IQGAP2: variants seen among roughly 807,000 people sequenced by gnomAD.
IQGAP2 encodes IQ motif containing GTPase activating protein 2, also known as ras GTPase-activating-like protein IQGAP2.
IQGAP2 carries 173 observed loss-of-function variants against 201.3 expected under a neutral mutation model. The ratio of observed to expected loss-of-function variants is 0.86; its 90% CI spans 0.76 to 0.98. IQGAP2 has a LOEUF of 0.98. Ranked by LOEUF, IQGAP2 falls within the 50% of genes least tolerant of loss-of-function variation. The pLI is 0.00. For missense variants in IQGAP2, 1,687 were observed against 1,864.8 expected (o/e 0.90, Z 1.76); for synonymous variants, 675 against 673.9 (o/e 1.00, Z -0.03).
chr5:76,447,028 A>G (rs531800039), intron 1 of IQGAP2, among the ~76,000 whole-genome samples: 1 of 152,330 alleles, frequency 6.6e-6, no homozygotes, highest in South Asian at 2.1e-4. Flanking sequence ...AGTTTCCAGA[A>G]GGCTCTGCGG....
intron 13 of IQGAP2, chr5:76,617,500 GA>G: frequency 9.9e-7 from 1 of 1,014,488 alleles, no homozygotes; most frequent in South Asian, 1.6e-5. Context: ...CTCGGAAATG[GA>G]GCTCCTTGCA....
intron 30 of IQGAP2, among the ~76,000 whole-genome samples, chr5:76,691,993 G>T (rs574555630): frequency 6.6e-6 from 1 of 152,156 alleles, no homozygotes; most frequent in South Asian, 2.1e-4. Context: ...GTCATTCAGT[G>T]ATATCATGTA....
chr5:76,550,626 T>C (rs1200382472), intron 2 of IQGAP2, among the ~76,000 whole-genome samples: 3 of 152,166 alleles, frequency 2.0e-5, no homozygotes, highest in South Asian at 2.1e-4. Flanking sequence ...TCCGTTTAAC[T>C]CTGAGTGGAC....
At chr5:76,424,780 T>C (rs1751907193) in intron 1 of IQGAP2, among the ~76,000 whole-genome samples, 1 of 152,230 alleles carries the variant, frequency 6.6e-6, no homozygotes, top group South Asian at 2.1e-4. Context: ...TGCTAATGCT[T>C]AGCTCTGGTT....
intron 35 of IQGAP2, among the ~76,000 whole-genome samples, chr5:76,705,384 CA>C (rs1205421799): frequency 5.3e-5 from 8 of 152,308 alleles, no homozygotes; most frequent in African/African-American, 1.9e-4. Context: ...GAAGTTATGT[CA>C]TGTTGCAAGG....
chr5:76,673,387 T>A lies in IQGAP2; in HGVS notation c.3069-62T>A, dbSNP rs553592319. The A allele has an allele frequency of 5.5e-4, 855 of 1,561,932 alleles. 2 individuals carry two copies. Among genetic ancestry groups the A allele is most frequent in the Admixed American group, 6.9e-4 (36 of 51,950 alleles). ...ACAAAGCTTGACTATAGAACCAACT[T>A]GGCAGCAAAATTAATGCTTGTACCT... is the stretch of plus-strand genomic sequence containing the variant. On this transcript the variant is annotated intron_variant, in intron 24 of 35. Coordinates refer to ENST00000274364, the MANE Select transcript of IQGAP2 (RefSeq NM_006633.5).
intron 1 of IQGAP2, among the ~76,000 whole-genome samples, chr5:76,415,610 C>A (rs1394868205): frequency 6.6e-6 from 1 of 152,126 alleles, no homozygotes; most frequent in African/African-American, 2.4e-5. Flanking sequence ...TGTTAAGAGG[C>A]CCAGGACTCT....
intron 35 of IQGAP2, among the ~76,000 whole-genome samples, chr5:76,706,416 C>T (rs1012921908): frequency 2.6e-5 from 4 of 152,098 alleles, no homozygotes; most frequent in Admixed American, 6.5e-5. Flanking sequence ...AGTGCAATCT[C>T]GGCTCGCTGC....
intron 1 of IQGAP2, among the ~76,000 whole-genome samples, chr5:76,442,055 G>A (rs951980183): frequency 6.6e-6 from 1 of 152,192 alleles, no homozygotes; most frequent in African/African-American, 2.4e-5. Context: ...CCCAAAGCCT[G>A]AATCACTCAT....
At chr5:76,469,644 T>G (rs1253636316) in intron 2 of IQGAP2, among the ~76,000 whole-genome samples, 4 of 152,144 alleles carry the variant, frequency 2.6e-5, no homozygotes, top group African/African-American at 9.7e-5. Context: ...CCTCAAGTGA[T>G]CCGCCTGCAT....
chr5:76,620,003 A>C (rs1749479660), intron 13 of IQGAP2, among the ~76,000 whole-genome samples: 1 of 152,144 alleles, frequency 6.6e-6, no homozygotes, highest in Non-Finnish European at 1.5e-5. Flanking sequence ...CTAGAAGCTG[A>C]AAAAAGCAAG....
intron 2 of IQGAP2, among the ~76,000 whole-genome samples, chr5:76,531,040 A>G (rs1379884809): frequency 6.6e-6 from 1 of 152,222 alleles, no homozygotes; most frequent in Non-Finnish European, 1.5e-5. Flanking sequence ...TGCTGCTATA[A>G]CAAAACACCC....
intron 23 of IQGAP2, among the ~76,000 whole-genome samples, chr5:76,670,953 T>C (rs1744253678): frequency 6.6e-6 from 1 of 152,192 alleles, no homozygotes; most frequent in African/African-American, 2.4e-5. Context: ...ATCCTCAAAT[T>C]GCTCATCTAA....
intron 1 of IQGAP2, among the ~76,000 whole-genome samples, chr5:76,422,282 T>C (rs1212097704): frequency 6.6e-6 from 1 of 152,150 alleles, no homozygotes. Flanking sequence ...AGGGTGAGTG[T>C]TGATAATTTT....
intron 1 of IQGAP2, among the ~76,000 whole-genome samples, chr5:76,422,503 A>C (rs527713127): frequency 6.6e-6 from 1 of 152,354 alleles, no homozygotes; most frequent in Middle Eastern, 3.4e-3. Context: ...CATAATGATT[A>C]GTTTGGAGCT....
At chr5:76,512,469 A>G (rs1561428979) in intron 2 of IQGAP2, among the ~76,000 whole-genome samples, 1 of 152,162 alleles carries the variant, frequency 6.6e-6, no homozygotes, top group South Asian at 2.1e-4. Flanking sequence ...AAACCTTTTA[A>G]TTGCTTTCTC....
chr5:76,439,554 T>A (rs1418808374), intron 1 of IQGAP2, among the ~76,000 whole-genome samples: 1 of 152,218 alleles, frequency 6.6e-6, no homozygotes, highest in African/African-American at 2.4e-5. Flanking sequence ...TAGGTGGTAA[T>A]ATCTTCTTGT....
At chr5:76,438,035 G>GTTTTTT (rs71604291) in intron 1 of IQGAP2, among the ~76,000 whole-genome samples, 14 of 68,570 alleles carry the variant, frequency 2.0e-4, no homozygotes, top group South Asian at 3.8e-4. Context: ...TTTTTTGTTT[G>GTTTTTT]TTTTTTTTTT....
At chr5:76,418,679 G>C (rs756023327) in intron 1 of IQGAP2, among the ~76,000 whole-genome samples, 1 of 152,090 alleles carries the variant, frequency 6.6e-6, no homozygotes, top group Non-Finnish European at 1.5e-5. Context: ...ATTTCATCAA[G>C]GGAAACTACT....
Sources: allele counts gnomAD v4.1 joint callset (sites outside exome capture counted in the v4.1 genomes callset), GRCh38; gene constraint gnomAD v4.1.1; transcripts MANE v1.5; gene names NCBI Gene and HGNC (gene_info 2026-07-23, HGNC 2026-07-21).